The following PCLO variants were observed in gnomAD, a reference collection of about 807,000 sequenced individuals.
PCLO encodes piccolo presynaptic cytomatrix protein.
A neutral mutation model predicts 427.5 loss-of-function variants in PCLO; 82 were observed. The observed-to-expected ratio is 0.19, with a 90% CI of 0.16 to 0.23. The LOEUF (loss-of-function observed/expected upper bound fraction) is 0.23. Among genes scored for constraint, PCLO ranks in the 10% least tolerant of loss-of-function variants. PCLO has a pLI of 1.00. For missense variants in PCLO, 6,239 were observed against 6,115.9 expected, an observed-to-expected ratio of 1.02 and a Z score of -0.67; for synonymous variants, 2,357 against 2,155.4, an observed-to-expected ratio of 1.09 and a Z score of -2.59.
At chr7:82,920,986 A>G (rs532636192) in intron 6 of PCLO, among the ~76,000 whole-genome samples, 1 of 151,992 alleles carries the variant, frequency 6.6e-6, no homozygotes, top group South Asian at 2.1e-4. Flanking sequence ...TGATGTATTC[A>G]AAGAGTTGTT....
intron 22 of PCLO, among the ~76,000 whole-genome samples, chr7:82,784,587 C>T (rs12670373): frequency 0.37 from 55,615 of 151,942 alleles, 12,533 homozygotes; most frequent in East Asian, 0.67. Context: ...TATATTTTTC[C>T]CTTTTATCTT....
At chr7:82,918,849 GA>G in intron 6 of PCLO, among the ~76,000 whole-genome samples, 1 of 152,006 alleles carries the variant, frequency 6.6e-6, no homozygotes, top group Non-Finnish European at 1.5e-5. Context: ...AATATGAAAT[GA>G]AAAATATGAC....
intron 10 of PCLO, among the ~76,000 whole-genome samples, chr7:82,855,914 G>A (rs1256162631): frequency 1.3e-5 from 2 of 152,110 alleles, no homozygotes; most frequent in African/African-American, 4.8e-5. Context: ...TATGGAAGAT[G>A]TCTGGCATAT....
At chr7:83,021,441 A>G (rs748490430) in intron 3 of PCLO, among the ~76,000 whole-genome samples, 6 of 152,142 alleles carry the variant, frequency 3.9e-5, no homozygotes, top group Non-Finnish European at 7.4e-5. Context: ...TGTAAAGTTT[A>G]TGGTCCTCAG....
Position 83,050,227 on chromosome 7 carries a change from A to AAAAAAAAAAAAAAAAAAAAAAAAAC in PCLO, c.3301-83741_3301-83740insGTTTTTTTTTTTTTTTTTTTTTTTT, listed in dbSNP as rs71074611. On this transcript the variant is annotated intron_variant, in intron 3 of 24. Transcript: ENST00000333891. Reference sequence around the variant, plus strand: ...AAAACTGAAAAAAAAAAAAAAAAAAAAAAAAAAAAACACAAGCAAACAAAA... The same window carrying AAAAAAAAAAAAAAAAAAAAAAAAAC: ...AAAACTGAAAAAAAAAAAAAAAAAAAAAAAAAAAAAAAAAAAAAAAAAAACAAAAAAAAAACACAAGCAAACAAAA... Among the ~76,000 whole-genome samples the AAAAAAAAAAAAAAAAAAAAAAAAAC allele has an allele frequency of 2.9e-4, 25 of 85,646 alleles. 2 individuals carry two copies. Among genetic ancestry groups the AAAAAAAAAAAAAAAAAAAAAAAAAC allele is most frequent in the Non-Finnish European group, 5.8e-4 (22 of 37,724 alleles). The allele number at this position is 85,646 out of a possible 152,430, so 56.2% of individuals were successfully genotyped here.
Position 83,150,609 on chromosome 7 carries a change from GTCCT to G in PCLO, c.1893+4135_1893+4138del, listed in dbSNP as rs150134046. ...GTGGCTGAGTGTAGCTAATTATCTA[GTCCT>G]TCCTTCCTTCCTTCCTTCCTTCCCA... On this transcript the variant is annotated intron_variant, in intron 2 of 24. Transcript: ENST00000333891. Among the ~76,000 whole-genome samples the G allele has an allele frequency of 8.4e-4, 128 of 151,676 alleles. 1 individual carries two copies. Among genetic ancestry groups the G allele is most frequent in the African/African-American group, 2.7e-3 (110 of 41,352 alleles).
At chr7:82,820,986 G>A in intron 20 of PCLO, 1 of 1,226,136 alleles carries the variant, frequency 8.2e-7, no homozygotes, top group African/African-American at 1.6e-5. Context: ...GAAATGCCAT[G>A]CCCACAAAAG....
At chr7:83,044,307 C>G (rs1421758544) in intron 3 of PCLO, among the ~76,000 whole-genome samples, 1 of 152,110 alleles carries the variant, frequency 6.6e-6, no homozygotes, top group East Asian at 1.9e-4. Flanking sequence ...TGGGTGGAGA[C>G]ACAGAGCCAA....
At chr7:82,925,611 C>G (rs1185878717) in intron 6 of PCLO, among the ~76,000 whole-genome samples, 1 of 151,918 alleles carries the variant, frequency 6.6e-6, no homozygotes, top group African/African-American at 2.4e-5. Flanking sequence ...CCAAAATAGA[C>G]CCATTATTAA....
chr7:82,791,008 T>A (rs73167383), intron 22 of PCLO, among the ~76,000 whole-genome samples: 36,595 of 152,092 alleles, frequency 0.24, 5,385 homozygotes, highest in Non-Finnish European at 0.33. Flanking sequence ...TTTCTCTGAG[T>A]TTTTATTACT....
intron 3 of PCLO, among the ~76,000 whole-genome samples, chr7:82,968,909 G>A (rs1795842858): frequency 6.6e-6 from 1 of 152,034 alleles, no homozygotes; most frequent in South Asian, 2.1e-4. Context: ...ACGAAATACA[G>A]GTGGGTATTA....
In PCLO at chr7:82,954,998, C is replaced by T. The variant is rs745459553; in HGVS notation, c.5955G>A (p.Gln1985=). 110 of 1,613,674 alleles carry T rather than the reference C, an allele frequency of 6.8e-5. 1 individual carries two copies. Among genetic ancestry groups the T allele is most frequent in the South Asian group, 4.0e-4 (36 of 91,090 alleles). Residue 1985 remains glutamine, a synonymous_variant, in exon 5 of 25, where the codon CAG becomes CAA. Coordinates refer to ENST00000333891, the MANE Select transcript of PCLO (RefSeq NM_033026.6). ...TRQEEENGFM[Q]QKGREQKIRL... is the part of the protein sequence containing the mutation. ...TTATCTTTTGCTCTCTTCCTTTCTGCTGCATAAATCCATTTTCTTCTTCTT... is the reference window on the plus strand; with the variant it reads ...TTATCTTTTGCTCTCTTCCTTTCTGTTGCATAAATCCATTTTCTTCTTCTT...
At chr7:82,880,416 T>G (rs1374234537) in intron 9 of PCLO, 1 of 410,766 alleles carries the variant, frequency 2.4e-6, no homozygotes, top group African/African-American at 2.0e-5. Flanking sequence ...TCTATTCTTT[T>G]TATCTTTTGT....
In PCLO at chr7:82,955,107, C is replaced by T; in HGVS notation, c.5846G>A (p.Gly1949Glu). ...EVFEKEPLYG[G>E]MLIEDYIYES... is the part of the protein sequence containing the mutation. ...ATAAATATAATCCTCTATTAGCATCCCACCATACAAAGGCTCTTTTTCAAA... is the reference window on the plus strand; with the variant it reads ...ATAAATATAATCCTCTATTAGCATCTCACCATACAAAGGCTCTTTTTCAAA... The change falls in exon 5 of 25, where the codon GGG becomes GAG. Residue 1949 changes from glycine (G) to glutamate (E), a missense_variant. By Grantham distance (98) the Gly-to-Glu change is moderately conservative. Coordinates refer to ENST00000333891, the MANE Select transcript of PCLO (RefSeq NM_033026.6). 1 of 1,613,740 alleles carries T rather than the reference C, an allele frequency of 6.2e-7. No individual in the cohort carries two copies. The highest frequency in any genetic ancestry group is 8.5e-7 in the Non-Finnish European group (1 of 1,179,832).
At chr7:83,121,375 A>G (rs372165682) in intron 3 of PCLO, among the ~76,000 whole-genome samples, 1 of 152,196 alleles carries the variant, frequency 6.6e-6, no homozygotes, top group African/African-American at 2.4e-5. Context: ...TCAAAAACCA[A>G]TAACAGATAA....
intron 4 of PCLO, 142 bp from the exon 5 acceptor site, chr7:82,957,077 G>T: frequency 1.1e-6 from 1 of 873,030 alleles, no homozygotes; most frequent in Non-Finnish European, 1.6e-6. Flanking sequence ...TTTTTTAAAA[G>T]TTTGAGAAAA....
At chr7:83,012,700 A>T (rs894854468) in intron 3 of PCLO, among the ~76,000 whole-genome samples, 6 of 151,728 alleles carry the variant, frequency 4.0e-5, no homozygotes, top group Admixed American at 1.3e-4. Context: ...ATTCATAATC[A>T]ATTAACCTCT....
intron 22 of PCLO, among the ~76,000 whole-genome samples, chr7:82,781,209 T>C (rs1435257549): frequency 6.6e-6 from 1 of 151,660 alleles, no homozygotes; most frequent in East Asian, 1.9e-4. Flanking sequence ...AAAGATCATG[T>C]TCCTGACAAT....
At chr7:83,076,643 G>GTT (rs200052422) in intron 3 of PCLO, among the ~76,000 whole-genome samples, 26,707 of 133,594 alleles carry the variant, frequency 0.2, 2,924 homozygotes, top group East Asian at 0.54. Context: ...TTTTTTTGCA[G>GTT]TTTTTTTTTA....
Sources: gnomAD v4.1 joint callset for allele counts (sites outside exome capture counted in the v4.1 genomes callset) on GRCh38, gnomAD v4.1.1 for gene constraint, MANE v1.5 for transcripts, NCBI Gene and HGNC (gene_info 2026-07-23, HGNC 2026-07-21) for gene names.